The following EGF variants were observed in gnomAD, a reference collection of about 807,000 sequenced individuals.
The protein encoded by EGF is epidermal growth factor.
A neutral mutation model predicts 143.8 loss-of-function variants in EGF; 95 were observed. The ratio of observed to expected loss-of-function variants is 0.66; its 90% CI spans 0.56 to 0.78. The LOEUF (loss-of-function observed/expected upper bound fraction) is 0.78. Ranked by LOEUF, EGF falls within the 30% of genes least tolerant of loss-of-function variation. EGF has a pLI of 0.00. For synonymous variants in EGF, 510 were observed against 510.5 expected, an observed-to-expected ratio of 1.00 and a Z score of 0.01; for missense variants, 1,320 against 1,470.9, an observed-to-expected ratio of 0.90 and a Z score of 1.68.
intron 5 of EGF, among the ~76,000 whole-genome samples, chr4:109,951,168 A>AAATAAAATAT (rs1284262996): frequency 6.7e-6 from 1 of 150,204 alleles, no homozygotes; most frequent in African/African-American, 2.4e-5. Context: ...AAATAAAATA[A>AAATAAAATAT]AATAAAATAA....
rs769941021 is a variant in EGF, at chr4:109,976,022, T to C, written c.1840T>C (p.Trp614Arg). 6.2e-7 allele frequency: 1 copy of C among 1,613,910 alleles called. No individual in the cohort carries two copies. Among genetic ancestry groups the C allele is most frequent in the South Asian group, 1.1e-5 (1 of 91,076 alleles). ...CTTTCTTGATTAAAGGAGATTATTCTGGACTGATACAGGGATTAATCCACG... is the reference window on the plus strand; with the variant it reads ...CTTTCTTGATTAAAGGAGATTATTCCGGACTGATACAGGGATTAATCCACG... ...AVHPMAKRLF[W>R]TDTGINPRIE... Residue 614 changes from tryptophan to arginine, a missense_variant, in exon 13 of 24, where the codon TGG (tryptophan) becomes CGG (arginine). Coordinates refer to ENST00000265171, the MANE Select transcript of EGF (RefSeq NM_001963.6).
chr4:109,971,140 C>A (rs1177024993), intron 11 of EGF, among the ~76,000 whole-genome samples: 3 of 152,024 alleles, frequency 2.0e-5, no homozygotes, highest in African/African-American at 7.3e-5. Flanking sequence ...AAGCAGTCAA[C>A]AAGTACCATG....
chr4:109,995,137 T>A (rs1310722920), intron 20 of EGF, among the ~76,000 whole-genome samples: 1 of 152,224 alleles, frequency 6.6e-6, no homozygotes, highest in Non-Finnish European at 1.5e-5. Flanking sequence ...AATAATTTGA[T>A]GTTACTACTA....
At chr4:109,914,892 G>A (rs881878) in intron 1 of EGF, among the ~76,000 whole-genome samples, 36,716 of 152,124 alleles carry the variant, frequency 0.24, 5,414 homozygotes, top group Middle Eastern at 0.38. Context: ...AATATCTAGA[G>A]TTGGGCACTG....
intron 21 of EGF, among the ~76,000 whole-genome samples, chr4:110,003,617 G>A (rs2126184894): frequency 6.6e-6 from 1 of 152,210 alleles, no homozygotes; most frequent in South Asian, 2.1e-4. Flanking sequence ...GGACAGTGGC[G>A]TTATTGTGGA....
intron 13 of EGF, among the ~76,000 whole-genome samples, chr4:109,977,853 C>CA (rs1748741590): frequency 2.0e-5 from 3 of 151,874 alleles, no homozygotes; most frequent in Non-Finnish European, 4.4e-5. Flanking sequence ...ATACAAAAAC[C>CA]AAAAAATACA....
intron 11 of EGF, among the ~76,000 whole-genome samples, chr4:109,969,727 C>T (rs964014071): frequency 3.3e-5 from 5 of 152,044 alleles, no homozygotes; most frequent in Non-Finnish European, 5.9e-5. Context: ...AGACTTTCTC[C>T]GAAGTCACAT....
intron 8 of EGF, 55 bp from the exon 9 acceptor site, chr4:109,963,118 A>G: frequency 6.2e-7 from 1 of 1,608,144 alleles, no homozygotes; most frequent in Non-Finnish European, 8.5e-7. Flanking sequence ...CCTTTGATGA[A>G]AAATAATTAT....
chr4:109,936,839 G>T (rs1479043878), intron 1 of EGF, among the ~76,000 whole-genome samples: 1 of 152,190 alleles, frequency 6.6e-6, no homozygotes, highest in African/African-American at 2.4e-5. Context: ...TTTCCATGTA[G>T]TTGTGGGGTT....
At position 109,980,924 on chromosome 4, in the gene EGF, G is replaced by T; in HGVS notation, c.2320G>T (p.Ala774Ser). ...WCSCREGFMK[A>S]SDGKTCLALD... ...TTCGTGTCGTGAAGGTTTTATGAAA[G>T]CCTCAGATGGGAAAACGTGTCTGGC... The change falls in exon 15 of 24, where the codon GCC becomes TCC. Residue 774 changes from alanine to serine, a missense_variant. By Grantham distance (99) the Ala-to-Ser change is moderately conservative. Coordinates refer to ENST00000265171, the MANE Select transcript of EGF (RefSeq NM_001963.6). The T allele has an allele frequency of 6.2e-7, 1 of 1,614,112 alleles. No individual in the cohort carries two copies. The highest frequency in any genetic ancestry group is 8.5e-7 in the Non-Finnish European group (1 of 1,179,988).
At chr4:109,924,788 C>T (rs751848425) in intron 1 of EGF, among the ~76,000 whole-genome samples, 3 of 151,970 alleles carry the variant, frequency 2.0e-5, no homozygotes, top group Admixed American at 6.6e-5. Context: ...TTGTTGGCTA[C>T]GTAAGAGCTG....
At chr4:109,990,380 G>A (rs1326269717) in intron 18 of EGF, among the ~76,000 whole-genome samples, 1 of 152,178 alleles carries the variant, frequency 6.6e-6, no homozygotes, top group Non-Finnish European at 1.5e-5. Context: ...TTTGTTTGAG[G>A]TATTGGGAAA....
chr4:110,006,341 T>G (rs1753295380), intron 22 of EGF, among the ~76,000 whole-genome samples: 1 of 151,808 alleles, frequency 6.6e-6, no homozygotes, highest in Non-Finnish European at 1.5e-5. Flanking sequence ...TGAGACCTTT[T>G]CTCTAAAGCA....
At chr4:109,961,657 T>G (rs1339628201) in intron 7 of EGF, among the ~76,000 whole-genome samples, 3 of 152,194 alleles carry the variant, frequency 2.0e-5, no homozygotes, top group African/African-American at 7.2e-5. Context: ...TCCTATCATT[T>G]AATATCCAGT....
At chr4:109,999,902 A>G (rs34595076) in intron 21 of EGF, 56 bp downstream of exon 21, 36 of 1,608,398 alleles carry the variant, frequency 2.2e-5, no homozygotes, top group Non-Finnish European at 3.0e-5. Flanking sequence ...TCCCAGGGGA[A>G]TGCCTGTCTC....
chr4:109,943,113 T>G (rs1742198870), intron 2 of EGF, 141 bp from the exon 3 acceptor site: 1 of 579,368 alleles, frequency 1.7e-6, no homozygotes, highest in Non-Finnish European at 3.0e-6. Flanking sequence ...TATCTGTGAC[T>G]ATTTTATTAT....
intron 21 of EGF, among the ~76,000 whole-genome samples, chr4:110,003,288 A>C (rs982413363): frequency 1.3e-5 from 2 of 152,196 alleles, no homozygotes; most frequent in Non-Finnish European, 2.9e-5. Context: ...CCAACAGTGT[A>C]TAAGTGTTTC....
At chr4:109,988,476 A>G (rs1750468436) in intron 17 of EGF, 108 bp from the exon 18 acceptor site, 3 of 1,541,004 alleles carry the variant, frequency 1.9e-6, no homozygotes, top group Non-Finnish European at 2.7e-6. Context: ...CAGCACCTGT[A>G]AAGGACTGAA....
intron 12 of EGF, 57 bp downstream of exon 12, chr4:109,974,864 T>A (rs1352673606): frequency 1.4e-6 from 2 of 1,393,642 alleles, no homozygotes; most frequent in East Asian, 2.3e-5. Flanking sequence ...CAGTTCATGG[T>A]TGATATGCTA....
Sources: allele counts gnomAD v4.1 joint callset (sites outside exome capture counted in the v4.1 genomes callset), GRCh38; gene constraint gnomAD v4.1.1; transcripts MANE v1.5; gene names NCBI Gene and HGNC (gene_info 2026-07-23, HGNC 2026-07-21).